The following PSEN1 variants were observed in gnomAD, a reference collection of about 807,000 sequenced individuals.
PSEN1 encodes presenilin 1, also known as presenilin-1.
Under a neutral mutation model 53.5 loss-of-function variants are expected in PSEN1, and 15 were observed. The observed-to-expected ratio is 0.28, with a 90% confidence interval of 0.19 to 0.43. The LOEUF is 0.43. PSEN1 is among the 20% of genes least tolerant of loss of function. The pLI, the probability that PSEN1 is intolerant of heterozygous loss-of-function variation, is 1.00. For missense variants in PSEN1, 387 were observed against 571.2 expected, an observed-to-expected ratio of 0.68 and a Z score of 3.29; for synonymous variants, 208 against 209.8, an observed-to-expected ratio of 0.99 and a Z score of 0.08.
In PSEN1 at chr14:73,219,738, T is replaced by C. The variant is rs112911413; in HGVS notation, c.*449T>C. 2.4e-3 allele frequency: 478 copies of C among 198,606 alleles called. 3 individuals are homozygous for C. The highest frequency in any genetic ancestry group is 3.9e-3 in the Non-Finnish European group (375 of 96,134). 12.3% of individuals were successfully genotyped at this position (198,606 alleles called of 1,614,324 possible). The stretch of plus-strand genomic sequence containing the variant: ...GTTGAAAATCAACCCAATAATTCTG[T>C]ATTAACTGAATTCTGAACTTTTCAG... On this transcript the variant is annotated 3_prime_UTR_variant, in exon 12 of 12. Coordinates refer to ENST00000324501, the MANE Select transcript of PSEN1 (RefSeq NM_000021.4).
intron 3 of PSEN1, among the ~76,000 whole-genome samples, chr14:73,149,728 TA>T (rs1296124520): frequency 6.6e-6 from 1 of 152,166 alleles, no homozygotes; most frequent in African/African-American, 2.4e-5. Flanking sequence ...TCTACCAGAG[TA>T]TAATCAAATT....
intron 5 of PSEN1, among the ~76,000 whole-genome samples, chr14:73,179,693 A>G (rs1242109437): frequency 1.3e-5 from 2 of 152,340 alleles, no homozygotes; most frequent in Non-Finnish European, 2.9e-5. Context: ...TCAAGCCAGA[A>G]CTAGAGGTCT....
intron 1 of PSEN1, among the ~76,000 whole-genome samples, chr14:73,143,782 G>A (rs1896990483): frequency 6.6e-6 from 1 of 151,966 alleles, no homozygotes; most frequent in South Asian, 2.1e-4. Flanking sequence ...GGAGACTGAA[G>A]TGGTAGGGTT....
chr14:73,217,905 A>C (rs1229058322), intron 11 of PSEN1, among the ~76,000 whole-genome samples: 1 of 146,960 alleles, frequency 6.8e-6, no homozygotes, highest in East Asian at 2.0e-4. Context: ...TCTCTGCCTC[A>C]GCCTCCCGAG....
chr14:73,211,002 C>T (rs1413891922), intron 9 of PSEN1, among the ~76,000 whole-genome samples: 1 of 152,118 alleles, frequency 6.6e-6, no homozygotes, highest in Non-Finnish European at 1.5e-5. Context: ...CGCTCCTTTC[C>T]CAATCCACCC....
intron 5 of PSEN1, among the ~76,000 whole-genome samples, chr14:73,186,552 G>A (rs544494673): frequency 6.6e-6 from 1 of 152,250 alleles, no homozygotes; most frequent in South Asian, 2.1e-4. Flanking sequence ...TGAGGCGGGC[G>A]GATCACTTGA....
chr14:73,184,368 G>A (rs1277286140), intron 5 of PSEN1, among the ~76,000 whole-genome samples: 2 of 114,976 alleles, frequency 1.7e-5, no homozygotes, highest in East Asian at 3.2e-4. Context: ...CCTCCCGGAC[G>A]GGGCGGCTGG....
intron 8 of PSEN1, 56 bp downstream of exon 8, chr14:73,198,185 G>A: frequency 2.0e-6 from 2 of 1,024,054 alleles, no homozygotes. Flanking sequence ...TATCGGAACT[G>A]AAGCACATGT....
At chr14:73,179,276 C>G (rs1209039161) in intron 5 of PSEN1, among the ~76,000 whole-genome samples, 1 of 152,132 alleles carries the variant, frequency 6.6e-6, no homozygotes, top group Non-Finnish European at 1.5e-5. Context: ...CCCACATTAC[C>G]ATCACCACAG....
At chr14:73,137,378 G>T (rs972592032) in intron 1 of PSEN1, among the ~76,000 whole-genome samples, 1 of 152,180 alleles carries the variant, frequency 6.6e-6, no homozygotes, top group Admixed American at 6.5e-5. Flanking sequence ...TCAGAAATAA[G>T]GAAGTTAGGA....
chr14:73,216,389 C>T (rs1899914454), intron 10 of PSEN1, among the ~76,000 whole-genome samples: 1 of 152,116 alleles, frequency 6.6e-6, no homozygotes, highest in South Asian at 2.1e-4. Flanking sequence ...TTGTACAGCT[C>T]TATTAATTTT....
At chr14:73,211,067 A>G (rs892660990) in intron 9 of PSEN1, among the ~76,000 whole-genome samples, 2 of 152,208 alleles carry the variant, frequency 1.3e-5, no homozygotes, top group African/African-American at 2.4e-5. Context: ...ATGAGTGCCA[A>G]CAGTTAGGAA....
intron 10 of PSEN1, 111 bp from the exon 11 acceptor site, chr14:73,217,015 A>G: frequency 1.7e-6 from 2 of 1,200,190 alleles, no homozygotes; most frequent in Non-Finnish European, 2.5e-6. Context: ...TATATCATTT[A>G]CTGACTTCTC....
At chr14:73,208,982 G>A (rs967574386) in intron 9 of PSEN1, 12 of 424,482 alleles carry the variant, frequency 2.8e-5, no homozygotes, top group Middle Eastern at 7.0e-4. Context: ...TCCAGAGGGG[G>A]CCAAGGTGGC....
rs997387432 is a variant in PSEN1 at position 73,138,777 on chromosome 14, G to T, written c.-136+2194G>T. Among the ~76,000 whole-genome samples the T allele has an allele frequency of 1.6e-4, 24 of 148,752 alleles. 1 individual carries two copies. The highest frequency in any genetic ancestry group is 5.9e-4 in the African/African-American group (24 of 40,556). On this transcript the variant is annotated intron_variant, in intron 1 of 11. Transcript: ENST00000324501. ...AGATCGAGACATCCTGGCTAACACG[G>T]TGAAACCCCATCTCTACTAAAAAAT...
chr14:73,182,742 G>C (rs924202278), intron 5 of PSEN1, among the ~76,000 whole-genome samples: 1 of 152,054 alleles, frequency 6.6e-6, no homozygotes, highest in African/African-American at 2.4e-5. Context: ...GGGAGGCTAA[G>C]GCAGGAGAAT....
At chr14:73,173,860 AT>A in intron 5 of PSEN1, 153 bp downstream of exon 5, 1 of 948,980 alleles carries the variant, frequency 1.1e-6, no homozygotes, top group South Asian at 1.3e-5. Flanking sequence ...ACTGTGGAAC[AT>A]TCAAAAAATA....
intron 5 of PSEN1, among the ~76,000 whole-genome samples, chr14:73,174,426 G>A (rs762193829): frequency 2.0e-5 from 3 of 152,106 alleles, no homozygotes; most frequent in African/African-American, 4.8e-5. Flanking sequence ...TAGAGACAGG[G>A]TTTCACCATG....
At chr14:73,160,803 C>CTTTTTTTTTTTTTTTTTTTTTTTTTT (rs34048372) in intron 3 of PSEN1, among the ~76,000 whole-genome samples, 1 of 84,730 alleles carries the variant, frequency 1.2e-5, no homozygotes, top group Non-Finnish European at 2.1e-5. Flanking sequence ...AATTGTAGGA[C>CTTTTTTTTTTTTTTTTTTTTTTTTTT]TTTTTTTTTT....
Sources: gnomAD v4.1 joint callset for allele counts (sites outside exome capture counted in the v4.1 genomes callset) on GRCh38, gnomAD v4.1.1 for gene constraint, MANE v1.5 for transcripts, NCBI Gene and HGNC (gene_info 2026-07-23, HGNC 2026-07-21) for gene names.